The following FBXW7 variants were observed in gnomAD, a reference collection of about 807,000 sequenced individuals.
FBXW7 encodes F-box and WD repeat domain containing 7, also known as F-box/WD repeat-containing protein 7.
In FBXW7, 11 loss-of-function variants were observed where a neutral mutation model predicts 86.3. That is an observed-to-expected ratio of 0.13 (90% CI 0.08 to 0.21). FBXW7 has a LOEUF of 0.21. Among genes scored for constraint, FBXW7 ranks in the 10% least tolerant of loss-of-function variants. The pLI is 1.00. For synonymous variants in FBXW7, 313 were observed against 297.9 expected (o/e 1.05, Z -0.52); for missense variants, 488 against 847.4 (o/e 0.58, Z 5.27).
chr4:152,445,727 G>A (rs1225670864), intron 2 of FBXW7, among the ~76,000 whole-genome samples: 1 of 151,918 alleles, frequency 6.6e-6, no homozygotes, highest in Non-Finnish European at 1.5e-5. Context: ...GGGCAACATG[G>A]CAGAACCCCA....
intron 4 of FBXW7, among the ~76,000 whole-genome samples, chr4:152,400,520 T>A (rs1253530026): frequency 6.6e-6 from 1 of 151,794 alleles, no homozygotes; most frequent in Non-Finnish European, 1.5e-5. Flanking sequence ...TTTGTGCATT[T>A]TTTTTTTTTA....
intron 2 of FBXW7, among the ~76,000 whole-genome samples, chr4:152,447,585 C>G (rs1383695160): frequency 6.6e-6 from 1 of 152,098 alleles, no homozygotes; most frequent in Non-Finnish European, 1.5e-5. Context: ...TTAAAATAAT[C>G]ACTTTGAAAT....
At chr4:152,476,276 C>T (rs543093003) in intron 2 of FBXW7, among the ~76,000 whole-genome samples, 37 of 152,164 alleles carry the variant, frequency 2.4e-4, no homozygotes, top group East Asian at 9.6e-4. Flanking sequence ...AATATCCATA[C>T]GCAAAAACAA....
intron 2 of FBXW7, among the ~76,000 whole-genome samples, chr4:152,463,456 A>C (rs1369752631): frequency 6.6e-6 from 1 of 152,172 alleles, no homozygotes; most frequent in Admixed American, 6.5e-5. Flanking sequence ...TCATTAGTCA[A>C]ACTTAGGACC....
intron 2 of FBXW7, among the ~76,000 whole-genome samples, chr4:152,494,384 G>A (rs1371733726): frequency 2.0e-5 from 3 of 152,212 alleles, no homozygotes; most frequent in African/African-American, 7.2e-5. Flanking sequence ...AACAGTCATG[G>A]TAAAGATGAG....
chr4:152,463,558 C>T (rs778175228), intron 2 of FBXW7, among the ~76,000 whole-genome samples: 3 of 151,976 alleles, frequency 2.0e-5, no homozygotes, highest in Non-Finnish European at 4.4e-5. Flanking sequence ...ACAGTTAAAA[C>T]CATTATCTTA....
chr4:152,514,876 A>T (rs1482525615), intron 2 of FBXW7, among the ~76,000 whole-genome samples: 1 of 152,206 alleles, frequency 6.6e-6, no homozygotes, highest in African/African-American at 2.4e-5. Flanking sequence ...ACACAAAAAG[A>T]GACTAGGACG....
chr4:152,493,205 C>A (rs1746024161), intron 2 of FBXW7, among the ~76,000 whole-genome samples: 1 of 151,814 alleles, frequency 6.6e-6, no homozygotes, highest in African/African-American at 2.4e-5. Flanking sequence ...CGCTTTGTTG[C>A]CCAGGCTGGA....
intron 2 of FBXW7, among the ~76,000 whole-genome samples, chr4:152,485,207 A>G (rs1416061342): frequency 6.6e-6 from 1 of 152,102 alleles, no homozygotes; most frequent in Non-Finnish European, 1.5e-5. Context: ...AATACAACAT[A>G]TCAGTTAGAT....
At chr4:152,389,528 T>A (rs1735823042) in intron 4 of FBXW7, among the ~76,000 whole-genome samples, 1 of 152,000 alleles carries the variant, frequency 6.6e-6, no homozygotes, top group Non-Finnish European at 1.5e-5. Flanking sequence ...AAATACCACG[T>A]TTCACTTACA....
In FBXW7 at chr4:152,326,013, G is replaced by A; in HGVS notation, c.1637C>T (p.Ser546Leu). Residue 546 changes from serine (S) to leucine (L), a missense_variant, in exon 12 of 14, where the codon TCA becomes TTA. Ser to Leu is a moderately radical substitution (Grantham distance 145). This residue lies in a region of FBXW7 where 142 missense variants were observed against 406.6 expected (regional missense o/e 0.35). Coordinates refer to ENST00000281708, the MANE Select transcript of FBXW7 (RefSeq NM_001349798.2). ...AGAGATAAGAGATCTTACCTGTAAT[G>A]AATAGACTCTATTAGTATGCCCCTG... ...TLQGHTNRVY[S>L]LQFDGIHVVS... is the part of the protein sequence containing the mutation. The A allele has an allele frequency of 6.2e-7, 1 of 1,612,168 alleles. No individual in the cohort carries two copies. Among genetic ancestry groups the A allele is most frequent in the Non-Finnish European group, 8.5e-7 (1 of 1,178,568 alleles).
intron 7 of FBXW7, among the ~76,000 whole-genome samples, chr4:152,333,994 C>T (rs1415411201): frequency 2.0e-5 from 3 of 152,102 alleles, no homozygotes; most frequent in Admixed American, 2.0e-4. Flanking sequence ...GTGGAGGTTG[C>T]AGTGAGCCAA....
chr4:152,484,777 C>A (rs1579323281), intron 2 of FBXW7, among the ~76,000 whole-genome samples: 1 of 152,184 alleles, frequency 6.6e-6, no homozygotes, highest in East Asian at 1.9e-4. Flanking sequence ...GCCTGGCCAA[C>A]ATGGCGAAAC....
intron 2 of FBXW7, among the ~76,000 whole-genome samples, chr4:152,450,564 G>A (rs184281580): frequency 1.3e-3 from 196 of 152,220 alleles, no homozygotes; most frequent in African/African-American, 4.5e-3. Context: ...CTAGCAAATG[G>A]GTAAGCTAGG....
At chr4:152,453,540 C>G (rs936136520) in intron 2 of FBXW7, among the ~76,000 whole-genome samples, 1 of 152,012 alleles carries the variant, frequency 6.6e-6, no homozygotes, top group African/African-American at 2.4e-5. Flanking sequence ...CTTCACTGAA[C>G]TTTTATATTT....
chr4:152,336,059 G>C (rs1235860051), intron 7 of FBXW7, among the ~76,000 whole-genome samples: 1 of 152,066 alleles, frequency 6.6e-6, no homozygotes, highest in Non-Finnish European at 1.5e-5. Flanking sequence ...ATAATACTTT[G>C]TTTCTGAGAA....
At chr4:152,491,615 C>T (rs1005412373) in intron 2 of FBXW7, among the ~76,000 whole-genome samples, 4 of 152,118 alleles carry the variant, frequency 2.6e-5, no homozygotes, top group Admixed American at 6.6e-5. Flanking sequence ...AATCAGGGTA[C>T]GATTCACAGA....
intron 2 of FBXW7, among the ~76,000 whole-genome samples, chr4:152,425,648 A>G (rs1739316290): frequency 6.7e-6 from 1 of 149,394 alleles, no homozygotes; most frequent in Non-Finnish European, 1.5e-5. Flanking sequence ...GACATGAAGA[A>G]AAAAAAAAAA....
intron 2 of FBXW7, among the ~76,000 whole-genome samples, chr4:152,467,414 A>G (rs1238220715): frequency 6.6e-6 from 1 of 152,174 alleles, no homozygotes; most frequent in Non-Finnish European, 1.5e-5. Flanking sequence ...TTTCCTTTAT[A>G]AACTACCCAG....
Sources: gnomAD v4.1 joint callset for allele counts (sites outside exome capture counted in the v4.1 genomes callset) on GRCh38, gnomAD v4.1.1 for gene constraint, gnomAD v4.1.1 regional missense constraint, MANE v1.5 for transcripts, NCBI Gene and HGNC (gene_info 2026-07-23, HGNC 2026-07-21) for gene names.